HMGN3: variants seen among roughly 807,000 people sequenced by gnomAD.
HMGN3 encodes the protein high mobility group nucleosomal binding domain 3, also known as high mobility group nucleosome-binding domain-containing protein 3.
HMGN3 carries 6 observed loss-of-function variants against 18.8 expected under a neutral mutation model. The observed-to-expected ratio is 0.32, with a 90% CI of 0.18 to 0.63. The LOEUF is 0.63. Ranked by LOEUF, HMGN3 falls within the 30% of genes least tolerant of loss-of-function variation. The pLI, the probability that HMGN3 is intolerant of heterozygous loss-of-function variation, is 0.79. For synonymous variants in HMGN3, 40 were observed against 36.5 expected (o/e 1.10, Z -0.35); for missense variants, 107 against 114.2 (o/e 0.94, Z 0.29).
intron 3 of HMGN3, among the ~76,000 whole-genome samples, chr6:79,207,716 G>C (rs1052125143): frequency 1.7e-4 from 26 of 152,122 alleles, no homozygotes; most frequent in African/African-American, 6.0e-4. Context: ...TCCTTATATT[G>C]TATCAGGCAC....
chr6:79,218,141 T>TC (rs1157897453), intron 1 of HMGN3, among the ~76,000 whole-genome samples: 2 of 152,248 alleles, frequency 1.3e-5, no homozygotes, highest in Non-Finnish European at 2.9e-5. Flanking sequence ...GTGAGGATAC[T>TC]CCTGTATGCT....
intron 4 of HMGN3, among the ~76,000 whole-genome samples, chr6:79,203,087 A>C (rs1776227442): frequency 6.6e-6 from 1 of 152,192 alleles, no homozygotes; most frequent in African/African-American, 2.4e-5. Flanking sequence ...AACAGAGTTG[A>C]TGTGAAGGTC....
At chr6:79,234,200 T>C (rs1778022697) in intron 1 of HMGN3, 1 of 243,210 alleles carries the variant, frequency 4.1e-6, no homozygotes, top group African/African-American at 2.2e-5. Context: ...TTCACACTAA[T>C]TCGCAACCTG....
rs115314047 is a variant in HMGN3, at chr6:79,217,178, A to C, written c.16-2156T>G. On this transcript the variant is annotated intron_variant, in intron 1 of 5. Transcript: ENST00000344726. Reference sequence around the variant, plus strand: ...CAAATGAACATAAGGCTCTGGATGTAAAGAGCTAGCAAAGCTCGTTTCTCT... The same window carrying C: ...CAAATGAACATAAGGCTCTGGATGTCAAGAGCTAGCAAAGCTCGTTTCTCT... 5.3e-3 allele frequency among the ~76,000 whole-genome samples: 805 copies of C among 152,322 alleles called. 9 individuals carry two copies. The highest frequency in any genetic ancestry group is 0.018 in the African/African-American group (740 of 41,582).
intron 5 of HMGN3, 108 bp from the exon 7 acceptor site, chr6:79,201,834 T>A: frequency 6.7e-7 from 1 of 1,493,628 alleles, no homozygotes; most frequent in Non-Finnish European, 8.8e-7. Flanking sequence ...GTTTTCTTTT[T>A]TTTTTCCAGC....
rs1037253243 is a variant in HMGN3, at chr6:79,214,849, T to C, written c.66+123A>G. ...CTCTTTCAGGTAGTCTTAACAACCTTGATCATTCATATTAAACTTTGTTCA... is the reference window on the plus strand; with the variant it reads ...CTCTTTCAGGTAGTCTTAACAACCTCGATCATTCATATTAAACTTTGTTCA... On this transcript the variant is annotated intron_variant, in intron 2 of 5. Coordinates refer to ENST00000344726, the Ensembl canonical transcript of HMGN3. 4.6e-6 allele frequency: 3 copies of C among 650,430 alleles called. No individual in the cohort carries two copies. The African/African-American group carries it at 5.6e-5, about 12-fold the overall frequency. The allele number at this position is 650,430 out of a possible 1,614,324, so 40.3% of individuals were successfully genotyped here.
chr6:79,229,778 T>C (rs1777749151), intron 1 of HMGN3, among the ~76,000 whole-genome samples: 1 of 152,056 alleles, frequency 6.6e-6, no homozygotes, highest in Admixed American at 6.6e-5. Flanking sequence ...CTCGGGAGAC[T>C]GAGGCAGGAG....
chr6:79,219,353 T>C (rs1207905965), intron 1 of HMGN3, among the ~76,000 whole-genome samples: 1 of 152,152 alleles, frequency 6.6e-6, no homozygotes, highest in African/African-American at 2.4e-5. Context: ...CTAGCTATCA[T>C]TCAAGAGTGA....
At chr6:79,212,195 T>C (rs929606569) in intron 2 of HMGN3, among the ~76,000 whole-genome samples, 5 of 152,258 alleles carry the variant, frequency 3.3e-5, no homozygotes, top group East Asian at 1.9e-4. Context: ...AAAAGGGCCA[T>C]AGGGATAGCG....
At chr6:79,230,542 C>T (rs1459965750) in intron 1 of HMGN3, among the ~76,000 whole-genome samples, 1 of 152,032 alleles carries the variant, frequency 6.6e-6, no homozygotes, top group East Asian at 1.9e-4. Flanking sequence ...TTTTTTTAAA[C>T]CAGATTGGTT....
At chr6:79,207,972 G>A (rs1776500197) in intron 3 of HMGN3, among the ~76,000 whole-genome samples, 1 of 152,118 alleles carries the variant, frequency 6.6e-6, no homozygotes, top group Non-Finnish European at 1.5e-5. Flanking sequence ...AGCACAGGTT[G>A]GTGAGGAAGA....
chr6:79,207,182 G>A (rs1320770757), intron 3 of HMGN3, among the ~76,000 whole-genome samples: 1 of 152,178 alleles, frequency 6.6e-6, no homozygotes, highest in African/African-American at 2.4e-5. Flanking sequence ...CTGTTGGGAA[G>A]GCATGATTGG....
At chr6:79,218,446 T>C (rs1202928418) in intron 1 of HMGN3, among the ~76,000 whole-genome samples, 1 of 152,156 alleles carries the variant, frequency 6.6e-6, no homozygotes, top group East Asian at 1.9e-4. Flanking sequence ...GAAGGATATA[T>C]ACACTGTGGT....
chr6:79,215,055 A>G (rs1457294194), intron 1 of HMGN3, 33 bp from the exon 2 acceptor site: 3 of 1,238,262 alleles, frequency 2.4e-6, no homozygotes, highest in Non-Finnish European at 3.5e-6. Context: ...AATTGTATTT[A>G]AATTGGAAAA....
At chr6:79,223,121 G>A (rs1215150295) in intron 1 of HMGN3, among the ~76,000 whole-genome samples, 1 of 152,178 alleles carries the variant, frequency 6.6e-6, no homozygotes, top group Non-Finnish European at 1.5e-5. Context: ...GCTCACATCT[G>A]TAATCGCAGC....
intron 1 of HMGN3, among the ~76,000 whole-genome samples, chr6:79,230,559 A>G (rs1268667654): frequency 6.6e-6 from 1 of 152,178 alleles, no homozygotes; most frequent in Non-Finnish European, 1.5e-5. Flanking sequence ...GGTTATTTTA[A>G]AAATTACATC....
intron 3 of HMGN3, among the ~76,000 whole-genome samples, chr6:79,204,479 A>C (rs1315870455): frequency 6.6e-6 from 1 of 152,162 alleles, no homozygotes; most frequent in Non-Finnish European, 1.5e-5. Flanking sequence ...GCACATGCGG[A>C]TAACTGGGGA....
intron 2 of HMGN3, among the ~76,000 whole-genome samples, chr6:79,211,678 T>C (rs1047609985): frequency 6.6e-6 from 1 of 152,100 alleles, no homozygotes; most frequent in Non-Finnish European, 1.5e-5. Flanking sequence ...ACGACAAATG[T>C]GAGGGTTTGC....
intron 1 of HMGN3, among the ~76,000 whole-genome samples, chr6:79,223,033 CTT>C (rs1353800426): frequency 6.6e-6 from 1 of 152,098 alleles, no homozygotes; most frequent in African/African-American, 2.4e-5. Context: ...TTCAGTGAAA[CTT>C]TATTAGTGTA....
Sources: gnomAD v4.1 joint callset for allele counts (sites outside exome capture counted in the v4.1 genomes callset) on GRCh38, gnomAD v4.1.1 for gene constraint, MANE v1.5 for transcripts, NCBI Gene and HGNC (gene_info 2026-07-23, HGNC 2026-07-21) for gene names.